The following NMUR1 variants were observed in gnomAD, a reference collection of about 807,000 sequenced individuals.
NMUR1 encodes the protein neuromedin-U receptor 1.
A neutral mutation model predicts 18.8 loss-of-function variants in NMUR1; 16 were observed. The ratio of observed to expected loss-of-function variants is 0.85; its 90% confidence interval spans 0.58 to 1.29. The LOEUF is 1.29. Among genes scored for constraint, NMUR1 ranks in the 50% most tolerant of loss-of-function variants. The pLI is 0.00. For missense variants in NMUR1, 529 were observed against 580.3 expected (o/e 0.91, Z 0.91); for synonymous variants, 258 against 258.2 (o/e 1.00, Z 0.01).
At position 231,528,985 on chromosome 2, in the gene NMUR1, A is replaced by T; in HGVS notation, c.36T>A (p.Pro12=). Residue 12 remains proline (P), a synonymous_variant, in exon 2 of 3, where the codon CCT becomes CCA. Transcript: ENST00000305141. ...TPLCLNCSVL[P]GDLYPGGARN... ...TTGCACCCCCTGGGTACAGGTCTCC[A>T]GGGAGGACAGAGCAATTGAGGCAGA... is the stretch of plus-strand genomic sequence containing the variant. 1 of 1,612,642 alleles carries T rather than the reference A, an allele frequency of 6.2e-7. No individual in the cohort carries two copies. The highest frequency in any genetic ancestry group is 8.5e-7 in the Non-Finnish European group (1 of 1,179,028).
downstream of NMUR1, among the ~76,000 whole-genome samples, chr2:231,522,354 G>T (rs1386024222): frequency 6.6e-6 from 1 of 151,834 alleles, no homozygotes; most frequent in East Asian, 1.9e-4. Flanking sequence ...CCTTCATAAT[G>T]CTGTCCAGGG....
intron 2 of NMUR1, among the ~76,000 whole-genome samples, chr2:231,526,831 C>T (rs565703995): frequency 4.6e-5 from 7 of 152,062 alleles, no homozygotes; most frequent in African/African-American, 1.7e-4. Context: ...GATCTTTGAT[C>T]GGCTTAGTAT....
rs999053520 is a variant in NMUR1, at chr2:231,524,912, G to T, written c.*131C>A. The T allele has an allele frequency of 2.2e-5, 27 of 1,223,596 alleles. No individual in the cohort carries two copies. In the Admixed American group the frequency reaches 7.1e-4, roughly 32 times the overall value. 75.8% of individuals were successfully genotyped at this position (1,223,596 alleles called of 1,614,324 possible). ...CTGTTTCCCTCTGAGGGAAACTGAGGTGCTGGTCAGAATTTCTAGGCTGAA... is the reference window on the plus strand; with the variant it reads ...CTGTTTCCCTCTGAGGGAAACTGAGTTGCTGGTCAGAATTTCTAGGCTGAA... On this transcript the variant is annotated 3_prime_UTR_variant, in exon 3 of 3. Coordinates refer to ENST00000305141, the MANE Select transcript of NMUR1 (RefSeq NM_006056.5).
Position 231,524,899 on chromosome 2 carries a change from G to A in NMUR1, c.*144C>T, listed in dbSNP as rs1409634752. On this transcript the variant is annotated 3_prime_UTR_variant, in exon 3 of 3. Transcript: ENST00000305141. ...ATCCCTCCTCCTGCTGTTTCCCTCT[G>A]AGGGAAACTGAGGTGCTGGTCAGAA... 2 of 1,090,862 alleles carry A rather than the reference G, an allele frequency of 1.8e-6. No homozygotes were observed. The highest frequency in any genetic ancestry group is 2.5e-6 in the Non-Finnish European group (2 of 784,572). The allele number at this position is 1,090,862 out of a possible 1,614,324, so 67.6% of individuals were successfully genotyped here.
chr2:231,521,973 CTTTTTTTTT>C (rs10625236), downstream of NMUR1, among the ~76,000 whole-genome samples: 6 of 83,828 alleles, frequency 7.2e-5, no homozygotes, highest in African/African-American at 2.9e-4. Context: ...TTTTTTTTCT[CTTTTTTTTT>C]TTTTTTTTTT....
chr2:231,518,771 C>T (rs959480790), downstream of NMUR1, among the ~76,000 whole-genome samples: 2 of 152,180 alleles, frequency 1.3e-5, no homozygotes, highest in Non-Finnish European at 1.5e-5. Flanking sequence ...GAAGTCCACG[C>T]GCCAGCAGTG....
Position 231,528,238 on chromosome 2 carries a change from C to A in NMUR1, c.783G>T (p.Glu261Asp), listed in dbSNP as rs772810450. ...YLLIGLRLRR[E>D]RLLLMQEAKG... Reference sequence around the variant, plus strand: ...TGGCCTCCTGCATGAGCAGCAGCCTCTCCCGCCGCAGTCGCAGCCCAATGA... The same window carrying A: ...TGGCCTCCTGCATGAGCAGCAGCCTATCCCGCCGCAGTCGCAGCCCAATGA... The change falls in exon 2 of 3, where the codon GAG (glutamate) becomes GAT (aspartate). Residue 261 changes from glutamate to aspartate, a missense_variant. Physicochemically the swap from Glu to Asp is conservative, Grantham distance 45 (BLOSUM62 2). Transcript: ENST00000305141. The A allele has an allele frequency of 2.1e-5, 34 of 1,613,242 alleles. No individual in the cohort carries two copies. The highest frequency in any genetic ancestry group is 2.9e-5 in the Non-Finnish European group (34 of 1,179,786).
In NMUR1 at chr2:231,523,307, A is replaced by G. The variant is rs1000691403; in HGVS notation, c.*1736T>C. 3 of 358,176 alleles carry G rather than the reference A, an allele frequency of 8.4e-6. No homozygotes were observed. Among genetic ancestry groups the G allele is most frequent in the African/African-American group, 2.1e-5 (1 of 48,030 alleles). The allele number at this position is 358,176 out of a possible 1,614,324, so 22.2% of individuals were successfully genotyped here. On this transcript the variant is annotated 3_prime_UTR_variant, in exon 3 of 3. Coordinates refer to ENST00000305141, the MANE Select transcript of NMUR1 (RefSeq NM_006056.5). ...TGTACCATCTTAACCATTTCAGTGT[A>G]TAGTTCAGTATTGTTATGTATATTC...
chr2:231,519,156 G>A (rs1167075713), downstream of NMUR1, among the ~76,000 whole-genome samples: 1 of 152,250 alleles, frequency 6.6e-6, no homozygotes, highest in Non-Finnish European at 1.5e-5. Context: ...GTTGCTTAGA[G>A]CTGAAGAAGG....
intron 2 of NMUR1, among the ~76,000 whole-genome samples, chr2:231,525,956 A>G (rs1031489378): frequency 2.7e-5 from 3 of 109,328 alleles, no homozygotes; most frequent in African/African-American, 9.2e-5. Flanking sequence ...GCACACACAC[A>G]GACACACACA....
chr2:231,526,440 C>T (rs1470294652), intron 2 of NMUR1, among the ~76,000 whole-genome samples: 1 of 152,184 alleles, frequency 6.6e-6, no homozygotes, highest in African/African-American at 2.4e-5. Context: ...GGAAGCCCAC[C>T]TTCCAGGGGT....
At chr2:231,518,502 G>A (rs1302907854), downstream of NMUR1, among the ~76,000 whole-genome samples, 3 of 152,152 alleles carry the variant, frequency 2.0e-5, no homozygotes, top group Non-Finnish European at 4.4e-5. Flanking sequence ...ATGAGCCACC[G>A]CGCCCAGCCT....
At position 231,525,154 on chromosome 2, in the gene NMUR1, G is replaced by A. The variant is rs368328861; in HGVS notation, c.1170C>T (p.Ser390=). The A allele has an allele frequency of 1.2e-6, 2 of 1,614,156 alleles. No homozygotes were observed. Among genetic ancestry groups the A allele is most frequent in the East Asian group, 2.2e-5 (1 of 44,886 alleles). The part of the protein sequence containing the change: ...LRPRHSSHSL[S]RMTTGSTLCD... The stretch of plus-strand genomic sequence containing the variant: ...ACAGGGTGCTGCCTGTGGTCATCCT[G>A]CTGAGGCTGTGGGAGCTGTGGCGGG... Residue 390 remains serine (S), a synonymous_variant, in exon 3 of 3, where the codon AGC becomes AGT. Coordinates refer to ENST00000305141, the MANE Select transcript of NMUR1 (RefSeq NM_006056.5).
chr2:231,530,416 C>G lies in NMUR1; in HGVS notation c.-55G>C, dbSNP rs1050592516. ...CCACCCTCCGAGCGACGGACACAGA[C>G]GCGGCGCGGGAGCCAGTGGACTGAC... On this transcript the variant is annotated 5_prime_UTR_variant, in exon 1 of 3. Coordinates refer to ENST00000305141, the MANE Select transcript of NMUR1 (RefSeq NM_006056.5). 2 of 1,463,692 alleles carry G rather than the reference C, an allele frequency of 1.4e-6. No homozygotes were observed. Among genetic ancestry groups the G allele is most frequent in the Non-Finnish European group, 9.0e-7 (1 of 1,114,946 alleles). The allele number at this position is 1,463,692 out of a possible 1,614,324, so 90.7% of individuals were successfully genotyped here.
At chr2:231,523,052 T>C, downstream of NMUR1, 1 of 305,414 alleles carries the variant, frequency 3.3e-6, no homozygotes, top group Non-Finnish European at 6.0e-6. Flanking sequence ...ATGAGTCAAA[T>C]GAGTGCAAGC....
chr2:231,529,500 A>G (rs2125670308), intron 1 of NMUR1, among the ~76,000 whole-genome samples: 1 of 75,704 alleles, frequency 1.3e-5, no homozygotes, highest in East Asian at 2.3e-4. Context: ...AAAAATCTAC[A>G]TTTAAAAAAA....
intron 1 of NMUR1, among the ~76,000 whole-genome samples, chr2:231,529,574 G>C (rs2125670411): frequency 6.6e-6 from 1 of 152,210 alleles, no homozygotes; most frequent in South Asian, 2.1e-4. Context: ...GTAAATGACA[G>C]ATCTTGGGTG....
intron 2 of NMUR1, among the ~76,000 whole-genome samples, chr2:231,527,869 C>A (rs914084399): frequency 1.3e-5 from 2 of 152,096 alleles, no homozygotes; most frequent in Non-Finnish European, 2.9e-5. Flanking sequence ...TCATGTTGCA[C>A]TGGACTCCAC....
chr2:231,529,843 C>A (rs1433226068), intron 1 of NMUR1, among the ~76,000 whole-genome samples: 2 of 152,368 alleles, frequency 1.3e-5, no homozygotes, highest in Middle Eastern at 3.4e-3. Context: ...TACGGAAGGG[C>A]ACGGGGATCA....
Sources: gnomAD v4.1 joint callset for allele counts (sites outside exome capture counted in the v4.1 genomes callset) on GRCh38, gnomAD v4.1.1 for gene constraint, MANE v1.5 for transcripts, NCBI Gene and HGNC (gene_info 2026-07-23, HGNC 2026-07-21) for gene names.